The following COL26A1 variants were observed in gnomAD, a reference collection of about 807,000 sequenced individuals.
COL26A1 encodes collagen type XXVI alpha 1 chain.
In COL26A1, 41 loss-of-function variants were observed where a neutral mutation model predicts 59.3. The ratio of observed to expected loss-of-function variants is 0.69; its 90% CI spans 0.54 to 0.90. The LOEUF (loss-of-function observed/expected upper bound fraction) is 0.90, where lower values mean the gene tolerates loss of function less well. Among genes scored for constraint, COL26A1 ranks in the 40% least tolerant of loss-of-function variants. The pLI, the probability that COL26A1 is intolerant of heterozygous loss-of-function variation, is 0.00. For synonymous variants in COL26A1, 266 were observed against 256.0 expected, an observed-to-expected ratio of 1.04 and a Z score of -0.37; for missense variants, 612 against 602.3, an observed-to-expected ratio of 1.02 and a Z score of -0.17.
intron 3 of COL26A1, among the ~76,000 whole-genome samples, chr7:101,469,793 G>A (rs960567175): frequency 6.6e-6 from 1 of 151,822 alleles, no homozygotes; most frequent in Non-Finnish European, 1.5e-5. Flanking sequence ...CCCAGCTGGT[G>A]TCCACGATTT....
chr7:101,407,540 A>C (rs748580305), intron 1 of COL26A1, among the ~76,000 whole-genome samples: 4 of 151,194 alleles, frequency 2.6e-5, no homozygotes, highest in Non-Finnish European at 5.9e-5. Context: ...GGCCATAGAT[A>C]TCTCCTCCCG....
Position 101,539,901 on chromosome 7 carries a change from G to T in COL26A1, c.456G>T (p.Leu152=). Residue 152 remains leucine, a synonymous_variant, in exon 5 of 13, where the codon CTG becomes CTT. Coordinates refer to ENST00000313669, the MANE Select transcript of COL26A1 (RefSeq NM_001278563.3). Reference sequence around the variant, plus strand: ...TATCTCCTTTGGCCCAGGTCCTCCTGCTAGAAGCAGCAGAACGGCCCTCCA... The same window carrying T: ...TATCTCCTTTGGCCCAGGTCCTCCTTCTAGAAGCAGCAGAACGGCCCTCCA... ...RLTTLEAKVL[L]LEAAERPSSP... The T allele has an allele frequency of 6.2e-7, 1 of 1,611,738 alleles. No individual in the cohort carries two copies.
chr7:101,517,763 C>T (rs571843054), intron 3 of COL26A1, among the ~76,000 whole-genome samples: 1 of 150,818 alleles, frequency 6.6e-6, no homozygotes, highest in African/African-American at 2.4e-5. Flanking sequence ...CAGGGCTTCC[C>T]CCACTGCAGT....
At chr7:101,504,937 T>G (rs563020379) in intron 3 of COL26A1, among the ~76,000 whole-genome samples, 2 of 152,266 alleles carry the variant, frequency 1.3e-5, no homozygotes, top group South Asian at 4.1e-4. Flanking sequence ...GCAGATCCCT[T>G]GAGGTCAGGA....
intron 3 of COL26A1, among the ~76,000 whole-genome samples, chr7:101,485,174 G>C (rs535347363): frequency 1.4e-4 from 22 of 152,240 alleles, no homozygotes; most frequent in African/African-American, 5.3e-4. Flanking sequence ...TTTCTACCGG[G>C]GGAGAGAAAG....
chr7:101,451,316 G>A (rs1348939564), intron 3 of COL26A1, among the ~76,000 whole-genome samples: 1 of 133,312 alleles, frequency 7.5e-6, no homozygotes, highest in African/African-American at 3.5e-5. Flanking sequence ...TGTGAATTAT[G>A]TATTATAATT....
intron 3 of COL26A1, among the ~76,000 whole-genome samples, chr7:101,481,447 A>AATATATATAT (rs60951062): frequency 4.9e-5 from 7 of 143,476 alleles, no homozygotes; most frequent in African/African-American, 1.8e-4. Context: ...AATCTCCCAA[A>AATATATATAT]ATATATATAT....
At chr7:101,432,928 C>T (rs1019899393) in intron 2 of COL26A1, among the ~76,000 whole-genome samples, 2 of 152,122 alleles carry the variant, frequency 1.3e-5, no homozygotes, top group African/African-American at 4.8e-5. Context: ...TCTCGAACTC[C>T]TGACCTCAGG....
chr7:101,408,388 C>T (rs1362148895), intron 1 of COL26A1, among the ~76,000 whole-genome samples: 3 of 152,200 alleles, frequency 2.0e-5, no homozygotes, highest in Non-Finnish European at 4.4e-5. Flanking sequence ...CTCCACCAGT[C>T]ACAGGATGGA....
chr7:101,391,530 G>A (rs887966617), intron 1 of COL26A1, among the ~76,000 whole-genome samples: 3 of 152,072 alleles, frequency 2.0e-5, no homozygotes, highest in African/African-American at 7.2e-5. Flanking sequence ...TCTGGAAGGA[G>A]ACATTGATCT....
intron 3 of COL26A1, among the ~76,000 whole-genome samples, chr7:101,505,702 T>C (rs1315233279): frequency 6.6e-6 from 1 of 152,224 alleles, no homozygotes; most frequent in Non-Finnish European, 1.5e-5. Context: ...GGCAGCTGAT[T>C]AGATGGTGCC....
At chr7:101,397,316 G>A (rs1791878319) in intron 1 of COL26A1, among the ~76,000 whole-genome samples, 1 of 152,110 alleles carries the variant, frequency 6.6e-6, no homozygotes. Flanking sequence ...CTTCACAAAT[G>A]TTCATTGAAC....
At chr7:101,415,530 A>G (rs913711903) in intron 1 of COL26A1, among the ~76,000 whole-genome samples, 2 of 152,204 alleles carry the variant, frequency 1.3e-5, no homozygotes, top group African/African-American at 4.8e-5. Flanking sequence ...TAAGTCATAC[A>G]GCAGGTTTGT....
chr7:101,390,894 C>T (rs1239838553), intron 1 of COL26A1, among the ~76,000 whole-genome samples: 4 of 152,190 alleles, frequency 2.6e-5, no homozygotes, highest in African/African-American at 9.6e-5. Context: ...GGGGCCTTGC[C>T]TGTGGGCCTC....
chr7:101,413,472 TCATG>T, intron 1 of COL26A1, among the ~76,000 whole-genome samples: 1 of 151,258 alleles, frequency 6.6e-6, no homozygotes, highest in Non-Finnish European at 1.5e-5. Flanking sequence ...TGAGCTGAGA[TCATG>T]CCATCGCACT....
At chr7:101,362,619 C>G (rs1466867847), upstream of COL26A1, among the ~76,000 whole-genome samples, 4 of 152,256 alleles carry the variant, frequency 2.6e-5, no homozygotes, top group African/African-American at 9.6e-5. Context: ...ATGGGCGCTC[C>G]GAAAGCATTC....
At chr7:101,413,860 G>A (rs10251497) in intron 1 of COL26A1, among the ~76,000 whole-genome samples, 41,628 of 152,078 alleles carry the variant, frequency 0.27, 5,893 homozygotes, top group Middle Eastern at 0.31. Context: ...AAAGGGACAT[G>A]TGTCTCCTGC....
intron 3 of COL26A1, among the ~76,000 whole-genome samples, chr7:101,526,523 G>T (rs1298665050): frequency 6.6e-6 from 1 of 152,172 alleles, no homozygotes; most frequent in Non-Finnish European, 1.5e-5. Context: ...CTGGGATCTT[G>T]TGGCTCAAGT....
intron 3 of COL26A1, among the ~76,000 whole-genome samples, chr7:101,489,660 TCTTCCTTCCTTCCTTCCTTC>T (rs374707598): frequency 0.018 from 881 of 48,556 alleles, 153 homozygotes; most frequent in African/African-American, 0.063. Flanking sequence ...TTTCTTTCTT[TCTTCCTTCCTTCCTTCCTTC>T]CTTTCTTTCT....
Sources: gnomAD v4.1 joint callset for allele counts (sites outside exome capture counted in the v4.1 genomes callset) on GRCh38, gnomAD v4.1.1 for gene constraint, MANE v1.5 for transcripts, NCBI Gene and HGNC (gene_info 2026-07-23, HGNC 2026-07-21) for gene names.